The following GALNT2 variants were observed in gnomAD, a reference collection of about 807,000 sequenced individuals.
The protein encoded by GALNT2 is polypeptide N-acetylgalactosaminyltransferase 2, also known as UDP-GalNAc:polypeptide N-acetylgalactosaminyltransferase 2.
A neutral mutation model predicts 81.4 loss-of-function variants in GALNT2; 31 were observed. The observed-to-expected ratio is 0.38, with a 90% CI of 0.29 to 0.51. GALNT2 has a LOEUF of 0.51. Ranked by LOEUF, GALNT2 falls within the 20% of genes least tolerant of loss-of-function variation. The probability of loss-of-function intolerance (pLI) is 0.87; values close to 1 mark genes in which losing one functional copy is unlikely to be tolerated. For synonymous variants in GALNT2, 303 were observed against 287.4 expected (o/e 1.05, Z -0.55); for missense variants, 629 against 765.7 (o/e 0.82, Z 2.11).
At chr1:230,120,402 C>T (rs1174124773) in intron 1 of GALNT2, among the ~76,000 whole-genome samples, 2 of 152,150 alleles carry the variant, frequency 1.3e-5, no homozygotes, top group African/African-American at 4.8e-5. Flanking sequence ...CTCCAGGGCT[C>T]TTCCCGAGAA....
chr1:230,235,263 T>G (rs1664991982), intron 3 of GALNT2, among the ~76,000 whole-genome samples: 1 of 151,184 alleles, frequency 6.6e-6, no homozygotes, highest in South Asian at 2.1e-4. Context: ...TCTAGTCTTG[T>G]GTCTGTCTGT....
chr1:230,156,241 G>A (rs937878997), intron 1 of GALNT2, among the ~76,000 whole-genome samples: 10 of 151,322 alleles, frequency 6.6e-5, no homozygotes, highest in African/African-American at 2.4e-4. Flanking sequence ...GAAAGAGAGA[G>A]AGAGTGTGTG....
chr1:230,258,302 T>C (rs1444923789), intron 11 of GALNT2, among the ~76,000 whole-genome samples: 2 of 151,356 alleles, frequency 1.3e-5, no homozygotes, highest in Non-Finnish European at 2.9e-5. Context: ...TGATCTCAGC[T>C]CACCACAACC....
At chr1:230,088,975 A>G (rs979636879) in intron 1 of GALNT2, among the ~76,000 whole-genome samples, 3 of 152,042 alleles carry the variant, frequency 2.0e-5, no homozygotes, top group African/African-American at 7.3e-5. Flanking sequence ...TCCATTCTAG[A>G]TATTTCGTAT....
chr1:230,279,154 C>G lies in GALNT2; in HGVS notation c.1561-149C>G, dbSNP rs1169773968. ...TGGCTGGTTTCCTGTGGGGCTGCTG[C>G]AAGCTCCTCGGCCGTTCAGATGAGA... On this transcript the variant is annotated intron_variant, in intron 15 of 15. Coordinates refer to ENST00000366672, the MANE Select transcript of GALNT2 (RefSeq NM_004481.5). This position sits in a 1 kb window ranked among gnomAD's most constrained non-coding sequence, Gnocchi z 4.6. 5.2e-6 allele frequency: 4 copies of G among 766,492 alleles called. No individual in the cohort carries two copies. The Admixed American group carries it at 9.4e-5, about 18-fold the overall frequency. 47.5% of individuals were successfully genotyped at this position (766,492 alleles called of 1,614,324 possible). A position where few individuals can be genotyped will look rare whatever the true frequency, so the allele number is the denominator to read the frequency against.
intron 1 of GALNT2, among the ~76,000 whole-genome samples, chr1:230,142,800 C>A (rs1327112962): frequency 2.0e-5 from 3 of 152,122 alleles, no homozygotes; most frequent in Non-Finnish European, 4.4e-5. Context: ...TACTGTGGGG[C>A]CTGCGTGGGA....
chr1:230,113,703 A>G (rs1386855325), intron 1 of GALNT2, among the ~76,000 whole-genome samples: 1 of 152,104 alleles, frequency 6.6e-6, no homozygotes, highest in African/African-American at 2.4e-5. Context: ...GCGGGATTTC[A>G]GATGCTCTTC....
intron 1 of GALNT2, among the ~76,000 whole-genome samples, chr1:230,060,010 C>T (rs1239442550): frequency 6.6e-6 from 1 of 152,114 alleles, no homozygotes; most frequent in Non-Finnish European, 1.5e-5. Context: ...GTCCGTAGTC[C>T]TGTTTTATTC....
chr1:230,100,605 C>T (rs61825389), intron 1 of GALNT2, among the ~76,000 whole-genome samples: 3,110 of 152,234 alleles, frequency 0.02, 115 homozygotes, highest in East Asian at 0.1. Flanking sequence ...GGATTACAGG[C>T]GTGAGCCACA....
chr1:230,136,115 G>A (rs973411486), intron 1 of GALNT2, among the ~76,000 whole-genome samples: 3 of 152,162 alleles, frequency 2.0e-5, no homozygotes, highest in African/African-American at 7.2e-5. Context: ...AGTTTCCTGG[G>A]TATAGAGGAG....
At chr1:230,237,119 T>A (rs1665055692) in intron 6 of GALNT2, among the ~76,000 whole-genome samples, 1 of 152,266 alleles carries the variant, frequency 6.6e-6, no homozygotes, top group African/African-American at 2.4e-5. Context: ...GACAGCCTGC[T>A]GAAGGTGAAC....
upstream of GALNT2, among the ~76,000 whole-genome samples, chr1:230,065,287 C>T (rs188540158): frequency 4.6e-5 from 7 of 152,170 alleles, no homozygotes; most frequent in East Asian, 5.8e-4. Context: ...CCTTGGACAC[C>T]TTGTAATTAT....
upstream of GALNT2, among the ~76,000 whole-genome samples, chr1:230,062,796 T>C (rs1403940000): frequency 6.6e-6 from 1 of 152,182 alleles, no homozygotes; most frequent in Admixed American, 6.5e-5. Flanking sequence ...CTTTGGCCAC[T>C]GTAAATAACA....
chr1:230,087,217 G>A (rs1659927142), intron 1 of GALNT2, among the ~76,000 whole-genome samples: 1 of 152,210 alleles, frequency 6.6e-6, no homozygotes, highest in South Asian at 2.1e-4. Context: ...CCATAGGGAA[G>A]GGGCCTGGCC....
At chr1:230,246,919 T>C (rs1195821710) in intron 8 of GALNT2, among the ~76,000 whole-genome samples, 1 of 151,918 alleles carries the variant, frequency 6.6e-6, no homozygotes, top group Non-Finnish European at 1.5e-5. Flanking sequence ...TGGTCTAACA[T>C]CAAAAAAGAA....
At chr1:230,174,450 G>T (rs1339429981) in intron 1 of GALNT2, among the ~76,000 whole-genome samples, 2 of 151,816 alleles carry the variant, frequency 1.3e-5, no homozygotes, top group African/African-American at 4.8e-5. Flanking sequence ...TCTCACAGTA[G>T]CTTCATCATT....
At chr1:230,118,376 G>A (rs1351372435) in intron 1 of GALNT2, among the ~76,000 whole-genome samples, 2 of 152,232 alleles carry the variant, frequency 1.3e-5, no homozygotes, top group South Asian at 2.1e-4. Flanking sequence ...CAACGAGTGC[G>A]CTCACTGGAC....
At chr1:230,235,392 A>T (rs1202155594) in intron 3 of GALNT2, among the ~76,000 whole-genome samples, 4 of 151,960 alleles carry the variant, frequency 2.6e-5, no homozygotes, top group African/African-American at 4.8e-5. Flanking sequence ...GGAAGAGGAG[A>T]GCTCAGGCAG....
chr1:230,059,834 G>A (rs1182075107), intron 1 of GALNT2, among the ~76,000 whole-genome samples: 3 of 151,908 alleles, frequency 2.0e-5, no homozygotes, highest in Non-Finnish European at 4.4e-5. Flanking sequence ...AAAGCAGCTC[G>A]TGTATGTCAT....
Sources: gnomAD v4.1 joint callset for allele counts (sites outside exome capture counted in the v4.1 genomes callset) on GRCh38, gnomAD v4.1.1 for gene constraint, Gnocchi (gnomAD v3.1) non-coding constraint, MANE v1.5 for transcripts, NCBI Gene and HGNC (gene_info 2026-07-23, HGNC 2026-07-21) for gene names.